Variants in LRRC37A2 observed in about 807,000 individuals in gnomAD.
The protein encoded by LRRC37A2 is leucine rich repeat containing 37 member A2.
A neutral mutation model predicts 68.8 loss-of-function variants in LRRC37A2; 9 were observed. That is an observed-to-expected ratio of 0.13 (90% confidence interval 0.08 to 0.23). The LOEUF (loss-of-function observed/expected upper bound fraction) is 0.23. Among genes scored for constraint, LRRC37A2 ranks in the 10% least tolerant of loss-of-function variants. The probability of loss-of-function intolerance (pLI) is 1.00; values close to 1 mark genes in which losing one functional copy is unlikely to be tolerated. For missense variants in LRRC37A2, 168 were observed against 950.4 expected, an observed-to-expected ratio of 0.18 and a Z score of 10.82; for synonymous variants, 63 against 367.6, an observed-to-expected ratio of 0.17 and a Z score of 9.48.
the LRRC37A2 span, among the ~76,000 whole-genome samples, chr17:47,045,648 ATAAAT>A: frequency 1.3e-5 from 2 of 149,406 alleles, no homozygotes; most frequent in African/African-American, 4.9e-5. Flanking sequence ...AGCCACAACA[ATAAAT>A]TAATCAATTG....
At chr17:46,776,566 C>T in the LRRC37A2 span, among the ~76,000 whole-genome samples, 11 of 152,178 alleles carry the variant, frequency 7.2e-5, no homozygotes, top group African/African-American at 2.2e-4. Context: ...CAGAGGTCCC[C>T]GTTGAGCCTC....
the LRRC37A2 span, among the ~76,000 whole-genome samples, chr17:47,000,086 T>TAAAATAAAAATAA: frequency 0.12 from 1,277 of 11,066 alleles, 97 homozygotes; most frequent in South Asian, 0.2. Context: ...AAAAATAAAA[T>TAAAATAAAAATAA]AAAATAAAAT....
the LRRC37A2 span, among the ~76,000 whole-genome samples, chr17:46,405,854 G>T: frequency 1.1e-4 from 14 of 132,520 alleles, no homozygotes; most frequent in African/African-American, 3.6e-4. Flanking sequence ...AATCATGGAA[G>T]GGTTATTGGT....
chr17:46,755,631 TG>T, the LRRC37A2 span: 1 of 730,638 alleles, frequency 1.4e-6, no homozygotes, highest in Non-Finnish European at 2.2e-6. Flanking sequence ...TTTACATGCA[TG>T]GAGCTGTGAC....
chr17:46,909,591 G>A, the LRRC37A2 span, among the ~76,000 whole-genome samples: 1 of 152,350 alleles, frequency 6.6e-6, no homozygotes, highest in Admixed American at 6.5e-5. Context: ...CAAGTACTCA[G>A]GAGCTGCATG....
the LRRC37A2 span, among the ~76,000 whole-genome samples, chr17:46,740,749 C>T: frequency 6.6e-6 from 1 of 151,524 alleles, no homozygotes; most frequent in African/African-American, 2.4e-5. Context: ...GCAACCTCCG[C>T]CTCCTGGGTT....
the LRRC37A2 span, among the ~76,000 whole-genome samples, chr17:46,876,021 G>A: frequency 6.6e-6 from 1 of 152,238 alleles, no homozygotes; most frequent in Non-Finnish European, 1.5e-5. Context: ...AACCGGGGCT[G>A]CTGTGTTCAG....
the LRRC37A2 span, among the ~76,000 whole-genome samples, chr17:46,736,915 C>T: frequency 6.6e-6 from 1 of 152,222 alleles, no homozygotes; most frequent in South Asian, 2.1e-4. Flanking sequence ...GCCATGCTCC[C>T]CATCTAAACT....
At chr17:46,558,553 ATTTTTTTTTT>A (rs58227880), downstream of LRRC37A2, among the ~76,000 whole-genome samples, 1 of 100,248 alleles carries the variant, frequency 1.0e-5, no homozygotes, top group Non-Finnish European at 2.0e-5. Flanking sequence ...TGCCCGGCCA[ATTTTTTTTTT>A]TTTTTTTTTT....
chr17:46,792,728 T>C, the LRRC37A2 span, among the ~76,000 whole-genome samples: 2 of 152,162 alleles, frequency 1.3e-5, no homozygotes, highest in African/African-American at 4.8e-5. Context: ...CACCTCTGCC[T>C]CCCAAAGCGC....
chr17:46,769,744 C>T, the LRRC37A2 span: 4 of 1,603,132 alleles, frequency 2.5e-6, no homozygotes, highest in Non-Finnish European at 1.7e-6. Context: ...AAGCGGGGGG[C>T]TGCTCCCTGA....
the LRRC37A2 span, chr17:46,722,049 G>A: frequency 6.2e-7 from 1 of 1,609,730 alleles, no homozygotes; most frequent in African/African-American, 1.3e-5. Context: ...AGCTCCCTGA[G>A]CTGAGCCTTG....
At chr17:47,007,683 A>G in the LRRC37A2 span, among the ~76,000 whole-genome samples, 2 of 152,312 alleles carry the variant, frequency 1.3e-5, no homozygotes, top group African/African-American at 2.4e-5. Flanking sequence ...CTAGGATTTG[A>G]TATTTTCAGC....
the LRRC37A2 span, among the ~76,000 whole-genome samples, chr17:46,876,072 C>T: frequency 1.7e-3 from 253 of 152,258 alleles, no homozygotes; most frequent in African/African-American, 5.7e-3. Context: ...TGTTCAGTCG[C>T]GTAAGTTGTC....
chr17:46,924,845 G>A, the LRRC37A2 span, among the ~76,000 whole-genome samples: 21 of 152,292 alleles, frequency 1.4e-4, no homozygotes, highest in African/African-American at 5.1e-4. Flanking sequence ...CAATAGCAGG[G>A]CACAATGGGC....
the LRRC37A2 span, among the ~76,000 whole-genome samples, chr17:46,829,943 G>A: frequency 6.6e-6 from 1 of 152,108 alleles, no homozygotes; most frequent in Non-Finnish European, 1.5e-5. Flanking sequence ...TTCCACCCTT[G>A]GCAGGGTTAA....
the LRRC37A2 span, among the ~76,000 whole-genome samples, chr17:46,843,322 G>C: frequency 2.6e-5 from 4 of 152,296 alleles, no homozygotes; most frequent in African/African-American, 9.6e-5. Flanking sequence ...GCTTTGTAGG[G>C]TGAACCCTTA....
the LRRC37A2 span, among the ~76,000 whole-genome samples, chr17:46,711,671 C>T: frequency 6.6e-6 from 1 of 152,158 alleles, no homozygotes; most frequent in African/African-American, 2.4e-5. Context: ...AAGGACATTC[C>T]ATTCACAAAT....
chr17:46,893,370 C>A, the LRRC37A2 span, among the ~76,000 whole-genome samples: 3 of 152,308 alleles, frequency 2.0e-5, no homozygotes, highest in East Asian at 1.9e-4. Flanking sequence ...CCTTTATGGA[C>A]TTCTGATCCT....
Sources: gnomAD v4.1 joint callset for allele counts (sites outside exome capture counted in the v4.1 genomes callset) on GRCh38, gnomAD v4.1.1 for gene constraint, MANE v1.5 for transcripts, NCBI Gene and HGNC (gene_info 2026-07-23, HGNC 2026-07-21) for gene names.